The following JAK2 variants were observed in gnomAD, a reference collection of about 807,000 sequenced individuals.
The protein encoded by JAK2 is Janus kinase 2, also known as tyrosine-protein kinase JAK2.
JAK2 carries 86 observed loss-of-function variants against 139.3 expected under a neutral mutation model. The ratio of observed to expected loss-of-function variants is 0.62; its 90% CI spans 0.52 to 0.74. The LOEUF (loss-of-function observed/expected upper bound fraction) is 0.74. Ranked by LOEUF, JAK2 falls within the 30% of genes least tolerant of loss-of-function variation. JAK2 has a pLI of 0.00. For missense variants in JAK2, 1,421 were observed against 1,360.3 expected (o/e 1.04, Z -0.70); for synonymous variants, 490 against 437.7 (o/e 1.12, Z -1.49).
intron 5 of JAK2, among the ~76,000 whole-genome samples, chr9:5,048,220 C>T (rs1206825099): frequency 2.6e-5 from 4 of 152,006 alleles, no homozygotes; most frequent in Non-Finnish European, 4.4e-5. Flanking sequence ...CGGCTCACTG[C>T]AACCTCTGCC....
Position 5,105,253 on chromosome 9 carries a change from T to TATACACCC in JAK2, c.3059+14346_3059+14353dup, listed in dbSNP as rs1821857532. 2.0e-5 allele frequency among the ~76,000 whole-genome samples: 3 copies of TATACACCC among 152,210 alleles called. No individual in the cohort carries two copies. In the South Asian group the frequency reaches 6.2e-4, roughly 32 times the overall value. On this transcript the variant is annotated intron_variant, in intron 22 of 24. Coordinates refer to ENST00000381652, the MANE Select transcript of JAK2 (RefSeq NM_004972.4). Reference sequence around the variant, plus strand: ...AATGTGCAAAAATCACAAGCATTCCTATACACCCATAACAGACAAACATAC... The same window carrying TATACACCC: ...AATGTGCAAAAATCACAAGCATTCCTATACACCCATACACCCATAACAGACAAACATAC...
At chr9:5,015,373 G>T (rs1176397804) in intron 2 of JAK2, among the ~76,000 whole-genome samples, 2 of 152,156 alleles carry the variant, frequency 1.3e-5, no homozygotes, top group South Asian at 2.1e-4. Flanking sequence ...AAATTAAAAT[G>T]ATTTTCATAA....
chr9:5,123,358 G>A (rs1042011028), intron 23 of JAK2, among the ~76,000 whole-genome samples: 8 of 151,840 alleles, frequency 5.3e-5, no homozygotes, highest in South Asian at 2.1e-4. Context: ...CACATTCTAC[G>A]TTCATGTGTA....
At chr9:5,084,142 G>A (rs1819910745) in intron 19 of JAK2, among the ~76,000 whole-genome samples, 1 of 152,032 alleles carries the variant, frequency 6.6e-6, no homozygotes, top group South Asian at 2.1e-4. Flanking sequence ...CTCTAAGGAA[G>A]GCGTTTTCAA....
At chr9:5,112,934 C>T (rs922294272) in intron 22 of JAK2, 1 of 235,996 alleles carries the variant, frequency 4.2e-6, no homozygotes, top group African/African-American at 2.3e-5. Flanking sequence ...TGGGCTTCAT[C>T]CACATCCACA....
intron 22 of JAK2, chr9:5,098,109 CA>C (rs1249141509): frequency 6.6e-6 from 1 of 152,140 alleles, no homozygotes; most frequent in Non-Finnish European, 1.5e-5. Context: ...AAAACTATAA[CA>C]ATTGAACAAC....
chr9:5,001,443 A>G (rs1820922436), intron 2 of JAK2, among the ~76,000 whole-genome samples: 1 of 152,124 alleles, frequency 6.6e-6, no homozygotes. Context: ...AATTGGGACG[A>G]TCTTATGGTT....
At chr9:5,039,653 G>A (rs758952400) in intron 4 of JAK2, among the ~76,000 whole-genome samples, 17 of 152,042 alleles carry the variant, frequency 1.1e-4, no homozygotes, top group Non-Finnish European at 2.4e-4. Flanking sequence ...CAGAATAGAA[G>A]ATCAATATAT....
intron 5 of JAK2, among the ~76,000 whole-genome samples, 192 bp downstream of exon 5, chr9:5,044,712 C>G (rs1413259612): frequency 2.0e-5 from 3 of 152,120 alleles, no homozygotes; most frequent in Non-Finnish European, 2.9e-5. Context: ...ATAATAGAAT[C>G]TATTTTATAA....
intron 4 of JAK2, chr9:5,041,064 C>A: frequency 1.4e-6 from 1 of 690,060 alleles, no homozygotes; most frequent in South Asian, 1.5e-5. Flanking sequence ...AGAGGGCGTC[C>A]CTCAGGTCTA....
At chr9:5,104,559 A>G (rs1279324922) in intron 22 of JAK2, among the ~76,000 whole-genome samples, 1 of 152,218 alleles carries the variant, frequency 6.6e-6, no homozygotes, top group Non-Finnish European at 1.5e-5. Flanking sequence ...AACTCATTTT[A>G]TGAGGCCAGC....
At chr9:5,061,648 G>A (rs1012471976) in intron 8 of JAK2, among the ~76,000 whole-genome samples, 4 of 152,174 alleles carry the variant, frequency 2.6e-5, no homozygotes, top group African/African-American at 9.7e-5. Flanking sequence ...CTTCTATCTA[G>A]AACTTTCTCT....
At chr9:5,015,357 T>A (rs1374611551) in intron 2 of JAK2, among the ~76,000 whole-genome samples, 3 of 152,226 alleles carry the variant, frequency 2.0e-5, no homozygotes, top group Admixed American at 1.3e-4. Context: ...ATTCAAGGGT[T>A]TAATGAAATT....
At chr9:5,004,322 A>C (rs1345515788) in intron 2 of JAK2, among the ~76,000 whole-genome samples, 3 of 152,012 alleles carry the variant, frequency 2.0e-5, no homozygotes, top group Admixed American at 2.0e-4. Context: ...CTGCTGTTCT[A>C]CTTACTCTCT....
At chr9:5,042,474 C>T (rs1816662140) in intron 4 of JAK2, among the ~76,000 whole-genome samples, 1 of 152,180 alleles carries the variant, frequency 6.6e-6, no homozygotes, top group African/African-American at 2.4e-5. Flanking sequence ...GTCTAGTCCT[C>T]CCCTCCAAGA....
At chr9:4,995,913 A>T (rs1820533852) in intron 2 of JAK2, among the ~76,000 whole-genome samples, 1 of 152,052 alleles carries the variant, frequency 6.6e-6, no homozygotes, top group African/African-American at 2.4e-5. Context: ...GCATTTGCTA[A>T]CTTATGTGTC....
In JAK2 at chr9:5,069,522, C is replaced by T. The variant is rs145169660; in HGVS notation, c.1513+314C>T. On this transcript the variant is annotated intron_variant, in intron 11 of 24. Transcript: ENST00000381652. ...TTTAAGTAAAAATTTTCATATACTT[C>T]GAGGATTTTAATTTCTGTATTTTAA... Among the ~76,000 whole-genome samples, 1,335 of 151,924 alleles carry T rather than the reference C, an allele frequency of 8.8e-3. 17 individuals are homozygous for T. The highest frequency in any genetic ancestry group is 0.029 in the African/African-American group (1,204 of 41,466).
intron 2 of JAK2, among the ~76,000 whole-genome samples, chr9:4,987,140 C>G (rs75972776): frequency 0.036 from 5,520 of 152,242 alleles, 306 homozygotes; most frequent in African/African-American, 0.12. Flanking sequence ...CATGTATTTA[C>G]CTGAATAGGA....
At chr9:5,086,755 A>C (rs1157919222) in intron 19 of JAK2, among the ~76,000 whole-genome samples, 1 of 152,148 alleles carries the variant, frequency 6.6e-6, no homozygotes, top group Non-Finnish European at 1.5e-5. Context: ...TTTTCAACAT[A>C]AATGCCTTCT....
Sources: gnomAD v4.1 joint callset for allele counts (sites outside exome capture counted in the v4.1 genomes callset) on GRCh38, gnomAD v4.1.1 for gene constraint, MANE v1.5 for transcripts, NCBI Gene and HGNC (gene_info 2026-07-23, HGNC 2026-07-21) for gene names.